The following VPS13B variants were observed in gnomAD, a reference collection of about 807,000 sequenced individuals.
VPS13B encodes intermembrane lipid transfer protein VPS13B.
Under a neutral mutation model 426.4 loss-of-function variants are expected in VPS13B, and 285 were observed. The observed-to-expected ratio is 0.67, with a 90% CI of 0.61 to 0.74. The LOEUF is 0.74. Among genes scored for constraint, VPS13B ranks in the 30% least tolerant of loss-of-function variants. VPS13B has a pLI of 0.00. For synonymous variants in VPS13B, 1,676 were observed against 1,676.4 expected, an observed-to-expected ratio of 1.00 and a Z score of 0.01; for missense variants, 4,537 against 4,782.6, an observed-to-expected ratio of 0.95 and a Z score of 1.51.
intron 24 of VPS13B, among the ~76,000 whole-genome samples, chr8:99,472,774 T>C (rs1190136430): frequency 6.6e-6 from 1 of 151,898 alleles, no homozygotes; most frequent in Non-Finnish European, 1.5e-5. Context: ...AAATTGACAG[T>C]TCCTTAGCTA....
intron 3 of VPS13B, chr8:99,091,794 C>T (rs1846164361): frequency 6.6e-6 from 1 of 152,140 alleles, no homozygotes; most frequent in African/African-American, 2.4e-5. Flanking sequence ...GGTGAATGTT[C>T]CTAAAAGCCT....
intron 31 of VPS13B, among the ~76,000 whole-genome samples, chr8:99,571,376 T>C (rs898887278): frequency 3.9e-5 from 6 of 152,178 alleles, no homozygotes; most frequent in African/African-American, 1.4e-4. Flanking sequence ...CAATGATTTT[T>C]AAAAATATTT....
intron 16 of VPS13B, among the ~76,000 whole-genome samples, chr8:99,175,881 C>A (rs192264674): frequency 6.6e-6 from 1 of 152,308 alleles, no homozygotes; most frequent in Non-Finnish European, 1.5e-5. Context: ...AGTATTAAAT[C>A]ATAACTGCAT....
chr8:99,514,020 A>G (rs1821928204), intron 29 of VPS13B, among the ~76,000 whole-genome samples: 1 of 152,182 alleles, frequency 6.6e-6, no homozygotes, highest in African/African-American at 2.4e-5. Flanking sequence ...AGTGAGGAAT[A>G]TTTTCACAAT....
At chr8:99,536,253 T>A (rs1022830960) in intron 30 of VPS13B, among the ~76,000 whole-genome samples, 3 of 152,160 alleles carry the variant, frequency 2.0e-5, no homozygotes, top group African/African-American at 7.2e-5. Context: ...CCGGCCTGAT[T>A]TTAATCAGAA....
At chr8:99,097,120 C>T (rs1219549790) in intron 4 of VPS13B, among the ~76,000 whole-genome samples, 1 of 152,190 alleles carries the variant, frequency 6.6e-6, no homozygotes, top group Non-Finnish European at 1.5e-5. Context: ...GAAGTTAAAT[C>T]TCAGTAGCAA....
chr8:99,810,023 A>G (rs1384980878), intron 44 of VPS13B, among the ~76,000 whole-genome samples: 1 of 152,162 alleles, frequency 6.6e-6, no homozygotes, highest in Non-Finnish European at 1.5e-5. Flanking sequence ...AGTTAATATT[A>G]ACTGCAGTAA....
intron 17 of VPS13B, among the ~76,000 whole-genome samples, chr8:99,222,586 A>G (rs1024986224): frequency 6.6e-6 from 1 of 152,208 alleles, no homozygotes; most frequent in African/African-American, 2.4e-5. Context: ...ACTAGAAGGA[A>G]TTTAGGTGGA....
intron 21 of VPS13B, among the ~76,000 whole-genome samples, chr8:99,407,265 C>T (rs1815383193): frequency 6.6e-6 from 1 of 151,962 alleles, no homozygotes; most frequent in Non-Finnish European, 1.5e-5. Flanking sequence ...GACTTTTTTT[C>T]TTACCCTTTA....
chr8:99,508,102 T>C (rs766664895), intron 28 of VPS13B, among the ~76,000 whole-genome samples: 2 of 152,190 alleles, frequency 1.3e-5, no homozygotes, highest in Non-Finnish European at 2.9e-5. Context: ...GTCACTTGCA[T>C]GAGTACAGAC....
At chr8:99,587,762 T>G (rs1826381785) in intron 33 of VPS13B, among the ~76,000 whole-genome samples, 1 of 151,816 alleles carries the variant, frequency 6.6e-6, no homozygotes, top group Non-Finnish European at 1.5e-5. Context: ...TTTCTCCCAT[T>G]CTGTAGGTTG....
chr8:99,275,771 A>G (rs1818863504), intron 19 of VPS13B, among the ~76,000 whole-genome samples: 1 of 152,156 alleles, frequency 6.6e-6, no homozygotes, highest in African/African-American at 2.4e-5. Context: ...GTAATAGCAG[A>G]GCTATACCTC....
At chr8:99,419,968 A>G (rs1816281147) in intron 21 of VPS13B, among the ~76,000 whole-genome samples, 1 of 152,198 alleles carries the variant, frequency 6.6e-6, no homozygotes, top group Non-Finnish European at 1.5e-5. Flanking sequence ...GTCCATAAAC[A>G]TAAGTTGATG....
At chr8:99,682,958 G>T (rs1831215674) in intron 35 of VPS13B, among the ~76,000 whole-genome samples, 1 of 152,188 alleles carries the variant, frequency 6.6e-6, no homozygotes, top group South Asian at 2.1e-4. Context: ...TCTAGGACTT[G>T]AAGATTTTCT....
chr8:99,585,087 T>A (rs1231619599), intron 33 of VPS13B, among the ~76,000 whole-genome samples: 1 of 152,126 alleles, frequency 6.6e-6, no homozygotes, highest in East Asian at 1.9e-4. Flanking sequence ...AAATTTGCCA[T>A]CAATAAAAAA....
At chr8:99,855,381 C>CA (rs1816496515) in intron 56 of VPS13B, among the ~76,000 whole-genome samples, 1 of 151,924 alleles carries the variant, frequency 6.6e-6, no homozygotes, top group South Asian at 2.1e-4. Flanking sequence ...GACCTTGTCC[C>CA]AAAAAATAAG....
At chr8:99,126,409 A>G (rs975546785) in intron 8 of VPS13B, among the ~76,000 whole-genome samples, 5 of 152,170 alleles carry the variant, frequency 3.3e-5, no homozygotes, top group Admixed American at 2.6e-4. Context: ...TTGAAGATAT[A>G]CCAGTCATTG....
chr8:99,466,951 A>G (rs751007843), intron 23 of VPS13B, among the ~76,000 whole-genome samples: 9 of 152,174 alleles, frequency 5.9e-5, no homozygotes, highest in Non-Finnish European at 1.0e-4. Context: ...TCTACATTCT[A>G]TCAGGCAGAG....
intron 39 of VPS13B, among the ~76,000 whole-genome samples, chr8:99,730,798 C>T (rs555723776): frequency 3.4e-4 from 52 of 151,754 alleles, no homozygotes; most frequent in African/African-American, 1.2e-3. Flanking sequence ...GGTACAGGTA[C>T]AGGTACCTCC....
Sources: allele counts gnomAD v4.1 joint callset (sites outside exome capture counted in the v4.1 genomes callset), GRCh38; gene constraint gnomAD v4.1.1; transcripts MANE v1.5; gene names NCBI Gene and HGNC (gene_info 2026-07-23, HGNC 2026-07-21).